The following ARFGEF3 variants were observed in gnomAD, a reference collection of about 807,000 sequenced individuals.
The protein encoded by ARFGEF3 is ARFGEF family member 3, also known as brefeldin A-inhibited guanine nucleotide-exchange protein 3.
In ARFGEF3, 96 loss-of-function variants were observed where a neutral mutation model predicts 221.7. The observed-to-expected ratio is 0.43, with a 90% CI of 0.37 to 0.51. The LOEUF is 0.51. Ranked by LOEUF, ARFGEF3 falls within the 20% of genes least tolerant of loss-of-function variation. The probability of loss-of-function intolerance (pLI) is 0.00; values close to 1 mark genes in which losing one functional copy is unlikely to be tolerated. For synonymous variants in ARFGEF3, 1,145 were observed against 1,126.8 expected (o/e 1.02, Z -0.32); for missense variants, 2,410 against 2,789.9 (o/e 0.86, Z 3.07).
chr6:138,272,871 A>G (rs748288037), intron 12 of ARFGEF3, among the ~76,000 whole-genome samples: 3 of 152,250 alleles, frequency 2.0e-5, no homozygotes, highest in African/African-American at 4.8e-5. Flanking sequence ...TAAACTTAAT[A>G]TACTTATTCT....
chr6:138,269,111 C>T (rs1033505316), intron 12 of ARFGEF3, among the ~76,000 whole-genome samples: 17 of 152,220 alleles, frequency 1.1e-4, no homozygotes, highest in Non-Finnish European at 4.4e-5. Context: ...CTAAGGGTCC[C>T]GTGATTTTGC....
intron 2 of ARFGEF3, among the ~76,000 whole-genome samples, chr6:138,189,520 G>A (rs1777253911): frequency 1.3e-5 from 2 of 152,160 alleles, no homozygotes; most frequent in South Asian, 4.1e-4. Context: ...TCTTCTGAGA[G>A]TATACAATGA....
Position 138,207,065 on chromosome 6 carries a change from A to T in ARFGEF3, c.161A>T (p.Gln54Leu), listed in dbSNP as rs763449735. The T allele has an allele frequency of 6.2e-7, 1 of 1,610,962 alleles. No individual in the cohort carries two copies. The highest frequency in any genetic ancestry group is 1.7e-5 in the Admixed American group (1 of 59,696). ...AGGGAGAAATGCCTGCTGCCTCTCC[A>T]GTTGGCTTTGGAATCCAAGAATGTG... ...VLREKCLLPL[Q>L]LALESKNVKL... The change falls in exon 3 of 34, where the codon CAG becomes CTG. Residue 54 changes from glutamine (Q) to leucine (L), a missense_variant. Around this residue, in one of 5 missense-constraint regions of ARFGEF3, gnomAD observed 570 missense variants for 586.9 expected, o/e 0.97. Transcript: ENST00000251691.
At chr6:138,287,841 A>C (rs1779325254) in intron 17 of ARFGEF3, among the ~76,000 whole-genome samples, 1 of 152,208 alleles carries the variant, frequency 6.6e-6, no homozygotes, top group South Asian at 2.1e-4. Flanking sequence ...CAAGTCACTG[A>C]GTCAGCTGTA....
At chr6:138,210,959 GTGGGTAGT>G (rs1359874013) in intron 4 of ARFGEF3, among the ~76,000 whole-genome samples, 1 of 152,176 alleles carries the variant, frequency 6.6e-6, no homozygotes, top group Non-Finnish European at 1.5e-5. Flanking sequence ...AACCCTGTTG[GTGGGTAGT>G]TCAGGTGATG....
intron 26 of ARFGEF3, among the ~76,000 whole-genome samples, chr6:138,316,848 A>T (rs1356189271): frequency 6.6e-6 from 1 of 152,218 alleles, no homozygotes; most frequent in African/African-American, 2.4e-5. Context: ...ACTCGTAGAA[A>T]TGGCTAAAAT....
At chr6:138,166,593 A>G (rs1183813396) in intron 1 of ARFGEF3, among the ~76,000 whole-genome samples, 1 of 152,226 alleles carries the variant, frequency 6.6e-6, no homozygotes, top group Non-Finnish European at 1.5e-5. Context: ...AGGGAGTAGA[A>G]AGGAATGAAT....
chr6:138,323,075 G>C (rs979245433), intron 29 of ARFGEF3, among the ~76,000 whole-genome samples: 14 of 151,990 alleles, frequency 9.2e-5, no homozygotes, highest in Non-Finnish European at 1.8e-4. Flanking sequence ...GATGGAAAAT[G>C]GAACTAGAAT....
intron 17 of ARFGEF3, among the ~76,000 whole-genome samples, chr6:138,289,486 G>A (rs1166395353): frequency 6.6e-6 from 1 of 152,238 alleles, no homozygotes; most frequent in Non-Finnish European, 1.5e-5. Context: ...TGAAAGGTCT[G>A]GGCCCAGATG....
At chr6:138,322,572 A>C (rs1323249621) in intron 29 of ARFGEF3, among the ~76,000 whole-genome samples, 1 of 152,154 alleles carries the variant, frequency 6.6e-6, no homozygotes, top group African/African-American at 2.4e-5. Context: ...CGAGGCAGGC[A>C]GATCACAAGG....
At position 138,334,062 on chromosome 6, in the gene ARFGEF3, G is replaced by T. The variant is rs41289777; in HGVS notation, c.5216G>T (p.Gly1739Val). The change falls in exon 33 of 34, where the codon GGC becomes GTC. Residue 1739 changes from glycine to valine, a missense_variant. Gly to Val is a moderately radical substitution (Grantham distance 109, BLOSUM62 -3). This residue lies in a region of ARFGEF3 where 723 missense variants were observed against 991.9 expected (regional missense o/e 0.73). Coordinates refer to ENST00000251691, the MANE Select transcript of ARFGEF3 (RefSeq NM_020340.5). This position sits in a 1 kb window ranked among gnomAD's most constrained non-coding sequence, Gnocchi z 5.1. ...YDILLEEFVKGPSPGEEKTIQ... is the reference protein window; with the variant it reads ...YDILLEEFVKVPSPGEEKTIQ... The stretch of plus-strand genomic sequence containing the variant: ...ATCTTGTTAGAAGAGTTTGTCAAAG[G>T]CCCCTCTCCTGGAGAGGAAAAGACG... 13 of 1,613,848 alleles carry T rather than the reference G, an allele frequency of 8.1e-6. No individual in the cohort carries two copies. The highest frequency in any genetic ancestry group is 1.0e-5 in the Non-Finnish European group (12 of 1,179,844).
At chr6:138,282,328 C>G (rs1779210312) in intron 14 of ARFGEF3, among the ~76,000 whole-genome samples, 1 of 152,144 alleles carries the variant, frequency 6.6e-6, no homozygotes, top group South Asian at 2.1e-4. Context: ...AAGGCCCTGC[C>G]CTCTCTGGAG....
At chr6:138,229,205 G>A (rs944307704) in intron 4 of ARFGEF3, among the ~76,000 whole-genome samples, 4 of 152,230 alleles carry the variant, frequency 2.6e-5, no homozygotes, top group African/African-American at 9.6e-5. Flanking sequence ...GAAAGGGATA[G>A]GAATAGAAAA....
chr6:138,213,407 G>A (rs1242093189), intron 4 of ARFGEF3, among the ~76,000 whole-genome samples: 3 of 151,004 alleles, frequency 2.0e-5, no homozygotes, highest in African/African-American at 4.9e-5. Flanking sequence ...GCCGTGAGCC[G>A]AGATCGTACC....
chr6:138,321,632 T>C (rs944590079), intron 29 of ARFGEF3, among the ~76,000 whole-genome samples: 1 of 152,206 alleles, frequency 6.6e-6, no homozygotes, highest in African/African-American at 2.4e-5. Flanking sequence ...ACACTGTTGG[T>C]GGGAATGTAA....
rs902394900 is a variant in ARFGEF3, at chr6:138,339,954, G to T, written c.*3468G>T. 1.3e-5 allele frequency: 2 copies of T among 152,174 alleles called. No individual in the cohort carries two copies. Among genetic ancestry groups the T allele is most frequent in the Non-Finnish European group, 2.9e-5 (2 of 68,048 alleles). 9.4% of individuals were successfully genotyped at this position (152,174 alleles called of 1,614,324 possible). A position where few individuals can be genotyped will look rare whatever the true frequency, so the allele number is the denominator to read the frequency against. On this transcript the variant is annotated 3_prime_UTR_variant, in exon 34 of 34. Transcript: ENST00000251691. ...CTCGCATTAAAATACTTTAAATCAG[G>T]CGTGATGGCTCATTCCTGTAATCTC...
intron 25 of ARFGEF3, among the ~76,000 whole-genome samples, chr6:138,311,881 A>G (rs1779837249): frequency 6.6e-6 from 1 of 152,078 alleles, no homozygotes; most frequent in Non-Finnish European, 1.5e-5. Flanking sequence ...GAAGAGGGAC[A>G]TTAATAAAAG....
At position 138,341,723 on chromosome 6, in the gene ARFGEF3, G is replaced by C. The variant is rs184566684; in HGVS notation, c.*5237G>C. 9.2e-5 allele frequency: 14 copies of C among 152,214 alleles called. No homozygotes were observed. The highest frequency in any genetic ancestry group is 2.1e-4 in the Non-Finnish European group (14 of 67,996). 9.4% of individuals were successfully genotyped at this position (152,214 alleles called of 1,614,324 possible). On this transcript the variant is annotated 3_prime_UTR_variant, in exon 34 of 34. Coordinates refer to ENST00000251691, the MANE Select transcript of ARFGEF3 (RefSeq NM_020340.5). ...CCTCTTTCCCTGGCTGTATTGTAGT[G>C]TTTGCTATTTGATGTGGAAATAACT...
chr6:138,328,130 A>C lies in ARFGEF3; in HGVS notation c.5111A>C (p.His1704Pro). ...CCTCCTGATGAAAAACCAAATGGAC[A>C]CACCAAGAAAAGGTAAGTACCTAAA... ...ELPPDEKPNG[H>P]TKKSVSFREI... The change falls in exon 32 of 34, where the codon CAC becomes CCC. Residue 1704 changes from histidine to proline, a missense_variant. His to Pro is a moderately conservative substitution (Grantham distance 77). Transcript: ENST00000251691. 6.3e-7 allele frequency: 1 copy of C among 1,594,080 alleles called. No homozygotes were observed. The highest frequency in any genetic ancestry group is 1.3e-5 in the African/African-American group (1 of 74,710).
Sources: allele counts gnomAD v4.1 joint callset (sites outside exome capture counted in the v4.1 genomes callset), GRCh38; gene constraint gnomAD v4.1.1; regional missense constraint gnomAD v4.1.1; non-coding constraint Gnocchi (gnomAD v3.1); transcripts MANE v1.5; gene names NCBI Gene and HGNC (gene_info 2026-07-23, HGNC 2026-07-21).